The following BTRC variants were observed in gnomAD, a reference collection of about 807,000 sequenced individuals.
The protein encoded by BTRC is F-box/WD repeat-containing protein 1A.
In BTRC, 42 loss-of-function variants were observed where a neutral mutation model predicts 85.5. That is an observed-to-expected ratio of 0.49 (90% confidence interval 0.38 to 0.64). BTRC has a LOEUF of 0.64. BTRC is among the 30% of genes least tolerant of loss of function. The pLI is 0.00. For synonymous variants in BTRC, 255 were observed against 263.3 expected (o/e 0.97, Z 0.30); for missense variants, 594 against 743.5 (o/e 0.80, Z 2.34).
intron 2 of BTRC, among the ~76,000 whole-genome samples, chr10:101,442,445 C>T (rs910596456): frequency 1.3e-5 from 2 of 152,016 alleles, no homozygotes; most frequent in South Asian, 2.1e-4. Context: ...GAAAATACAG[C>T]GTGACCTCAG....
chr10:101,382,523 T>G (rs1317897030), intron 1 of BTRC, among the ~76,000 whole-genome samples: 1 of 151,624 alleles, frequency 6.6e-6, no homozygotes, highest in Admixed American at 6.6e-5. Flanking sequence ...TATGCTGTGT[T>G]TTTTTTTTCT....
At chr10:101,523,416 TG>T (rs1257514417) in intron 5 of BTRC, among the ~76,000 whole-genome samples, 4 of 152,044 alleles carry the variant, frequency 2.6e-5, no homozygotes, top group Admixed American at 2.6e-4. Flanking sequence ...TGTCAGTATT[TG>T]GGGGGAATGC....
chr10:101,423,282 C>T (rs1944157736), intron 1 of BTRC, among the ~76,000 whole-genome samples: 1 of 152,016 alleles, frequency 6.6e-6, no homozygotes, highest in African/African-American at 2.4e-5. Context: ...GCTTGTTCCG[C>T]AATTCATTGC....
At position 101,366,948 on chromosome 10, in the gene BTRC, T is replaced by TTA. The variant is rs71016311; in HGVS notation, c.48+12730_48+12731dup. 7.9e-5 allele frequency among the ~76,000 whole-genome samples: 2 copies of TTA among 25,436 alleles called. 1 individual carries two copies. Among genetic ancestry groups the TTA allele is most frequent in the African/African-American group, 2.1e-4 (2 of 9,618 alleles). The allele number at this position is 25,436 out of a possible 152,430, so 16.7% of individuals were successfully genotyped here. On this transcript the variant is annotated intron_variant, in intron 1 of 14. Transcript: ENST00000370187. ...TATATTTATATATATTTATATATAT[T>TTA]TATATATATATTTATATAAATATAT...
At chr10:101,518,944 C>A (rs2062061691) in intron 4 of BTRC, among the ~76,000 whole-genome samples, 2 of 152,254 alleles carry the variant, frequency 1.3e-5, no homozygotes, top group Non-Finnish European at 2.9e-5. Flanking sequence ...GTGTGTAGTT[C>A]TGAGGGTCAG....
At chr10:101,515,690 T>TTAC (rs1298202810) in intron 4 of BTRC, among the ~76,000 whole-genome samples, 7 of 152,210 alleles carry the variant, frequency 4.6e-5, no homozygotes, top group African/African-American at 1.7e-4. Flanking sequence ...TTTTTGTACT[T>TTAC]TTAGTAGAGA....
intron 1 of BTRC, 68 bp from the exon 2 acceptor site, chr10:101,430,277 A>G (rs1944368181): frequency 6.4e-6 from 7 of 1,098,830 alleles, no homozygotes; most frequent in Middle Eastern, 4.1e-4. Context: ...GCCAAGCCTT[A>G]AAAATTCCTG....
At chr10:101,472,148 CA>C (rs1945541747) in intron 3 of BTRC, among the ~76,000 whole-genome samples, 1 of 152,182 alleles carries the variant, frequency 6.6e-6, no homozygotes, top group Non-Finnish European at 1.5e-5. Flanking sequence ...ACCATTAGTT[CA>C]CATTGATAAC....
At chr10:101,507,025 G>A (rs1044036272) in intron 4 of BTRC, among the ~76,000 whole-genome samples, 2 of 152,148 alleles carry the variant, frequency 1.3e-5, no homozygotes, top group African/African-American at 4.8e-5. Context: ...GCCTATATAT[G>A]CTGACTGAAC....
At chr10:101,423,926 C>G (rs1346099037) in intron 1 of BTRC, among the ~76,000 whole-genome samples, 1 of 152,128 alleles carries the variant, frequency 6.6e-6, no homozygotes, top group Non-Finnish European at 1.5e-5. Flanking sequence ...TTGCACTTTG[C>G]AGCTTTTAGA....
chr10:101,391,459 A>C (rs1484294913), intron 1 of BTRC, among the ~76,000 whole-genome samples: 1 of 152,202 alleles, frequency 6.6e-6, no homozygotes, highest in African/African-American at 2.4e-5. Context: ...TCTCTGAGTC[A>C]ATTGTTACAA....
intron 4 of BTRC, among the ~76,000 whole-genome samples, chr10:101,492,311 A>G (rs939457879): frequency 1.3e-5 from 2 of 152,194 alleles, no homozygotes; most frequent in African/African-American, 4.8e-5. Context: ...CATGTTTAAA[A>G]AGAAATGGTT....
In BTRC at chr10:101,391,033, T is replaced by C. The variant is rs558070712; in HGVS notation, c.48+36805T>C. ...GATAATTAAAGTTTTTATAAGAATT[T>C]TGCCTAAAGAACTTTTCTTGAAACT... On this transcript the variant is annotated intron_variant, in intron 1 of 14. Coordinates refer to ENST00000370187, the MANE Select transcript of BTRC (RefSeq NM_033637.4). 7.9e-5 allele frequency among the ~76,000 whole-genome samples: 12 copies of C among 152,350 alleles called. No individual in the cohort carries two copies. In the East Asian group the frequency reaches 2.3e-3, roughly 29 times the overall value.
chr10:101,461,472 C>A (rs1249208627), intron 2 of BTRC, among the ~76,000 whole-genome samples: 1 of 152,060 alleles, frequency 6.6e-6, no homozygotes, highest in African/African-American at 2.4e-5. Context: ...GACTCTAATC[C>A]TAAACTACTG....
At position 101,367,034 on chromosome 10, in the gene BTRC, A is replaced by T. The variant is rs1420073287; in HGVS notation, c.48+12806A>T. 6.4e-4 allele frequency among the ~76,000 whole-genome samples: 39 copies of T among 61,100 alleles called. 1 individual carries two copies. The highest frequency in any genetic ancestry group is 2.1e-3 in the African/African-American group (39 of 18,708). 40.1% of individuals were successfully genotyped at this position (61,100 alleles called of 152,430 possible). A position where few individuals can be genotyped will look rare whatever the true frequency, so the allele number is the denominator to read the frequency against. ...TATATATATTTATATTTATATATTT[A>T]TATATATAAATATATATATATATAA... On this transcript the variant is annotated intron_variant, in intron 1 of 14. Transcript: ENST00000370187.
intron 1 of BTRC, among the ~76,000 whole-genome samples, chr10:101,404,026 A>ATT (rs1438676972): frequency 1.3e-3 from 35 of 26,202 alleles, no homozygotes; most frequent in East Asian, 4.2e-3. Context: ...ATATATATAT[A>ATT]TATATTTTTT....
At chr10:101,515,122 A>AT (rs1031333716) in intron 4 of BTRC, among the ~76,000 whole-genome samples, 52 of 151,464 alleles carry the variant, frequency 3.4e-4, no homozygotes, top group African/African-American at 1.2e-3. Context: ...CACCCGGCAA[A>AT]TTTTTGTATT....
intron 1 of BTRC, among the ~76,000 whole-genome samples, chr10:101,387,721 GC>G (rs1215261537): frequency 6.7e-6 from 1 of 149,380 alleles, no homozygotes; most frequent in Admixed American, 6.7e-5. Context: ...ACGGAGTCTT[GC>G]TCTGTCGCCC....
intron 1 of BTRC, among the ~76,000 whole-genome samples, chr10:101,369,127 C>T (rs1374033482): frequency 6.6e-6 from 1 of 152,136 alleles, no homozygotes; most frequent in East Asian, 1.9e-4. Flanking sequence ...TGTAAACAAG[C>T]ACCTTTTTAG....
Sources: allele counts gnomAD v4.1 joint callset (sites outside exome capture counted in the v4.1 genomes callset), GRCh38; gene constraint gnomAD v4.1.1; transcripts MANE v1.5; gene names NCBI Gene and HGNC (gene_info 2026-07-23, HGNC 2026-07-21).